Variants in RPGRIP1L observed in about 807,000 individuals in gnomAD.
The protein encoded by RPGRIP1L is protein fantom.
RPGRIP1L carries 131 observed loss-of-function variants against 160.4 expected under a neutral mutation model. The observed-to-expected ratio is 0.82, with a 90% CI of 0.71 to 0.94. The LOEUF (loss-of-function observed/expected upper bound fraction) is 0.94. Among genes scored for constraint, RPGRIP1L ranks in the 40% least tolerant of loss-of-function variants. RPGRIP1L has a pLI of 0.00. For missense variants in RPGRIP1L, 1,522 were observed against 1,535.8 expected (o/e 0.99, Z 0.15); for synonymous variants, 510 against 515.8 (o/e 0.99, Z 0.15).
chr16:53,685,999 T>G (rs997953843), intron 6 of RPGRIP1L, among the ~76,000 whole-genome samples: 2 of 152,226 alleles, frequency 1.3e-5, no homozygotes, highest in Admixed American at 1.3e-4. Flanking sequence ...ATTAGGGATC[T>G]TTTTGGGATT....
rs534573387 is a variant in RPGRIP1L, at chr16:53,636,708, G to T, written c.3221-196C>A. Reference sequence around the variant, plus strand: ...GAAAAAAAAGACTAAAAATTTCAAGGTTAATTTTGGTAGAAGCAAAGGAAA... The same window carrying T: ...GAAAAAAAAGACTAAAAATTTCAAGTTTAATTTTGGTAGAAGCAAAGGAAA... On this transcript the variant is annotated intron_variant, in intron 21 of 26. Coordinates refer to ENST00000647211, the MANE Select transcript of RPGRIP1L (RefSeq NM_015272.5). Among the ~76,000 whole-genome samples, 49 of 151,962 alleles carry T rather than the reference G, an allele frequency of 3.2e-4. No homozygotes were observed. In the Middle Eastern group the frequency reaches 0.01, roughly 32 times the overall value.
Position 53,600,042 on chromosome 16 carries a change from T to G in RPGRIP1L, c.*2034A>C, listed in dbSNP as rs1293967592. On this transcript the variant is annotated 3_prime_UTR_variant, in exon 27 of 27. Transcript: ENST00000647211. ...AGTTTTCTAAGAAAAACTTTTCCTT[T>G]CCACTTAATGATCCTAAGAAGTCAG... 1.3e-5 allele frequency: 2 copies of G among 152,260 alleles called. No homozygotes were observed. Among genetic ancestry groups the G allele is most frequent in the African/African-American group, 4.8e-5 (2 of 41,456 alleles). 9.4% of individuals were successfully genotyped at this position (152,260 alleles called of 1,614,324 possible).
intron 14 of RPGRIP1L, among the ~76,000 whole-genome samples, chr16:53,653,882 A>G (rs76018686): frequency 6.6e-6 from 1 of 152,102 alleles, no homozygotes; most frequent in Non-Finnish European, 1.5e-5. Flanking sequence ...CTCCATTCCT[A>G]TATTTCTAAA....
chr16:53,664,166 CTA>C (rs1161198177), intron 10 of RPGRIP1L, among the ~76,000 whole-genome samples: 19 of 152,152 alleles, frequency 1.2e-4, no homozygotes, highest in African/African-American at 4.6e-4. Flanking sequence ...GTGTGTATAT[CTA>C]TGTGTGTGTA....
At chr16:53,641,594 A>G (rs1598300580) in intron 17 of RPGRIP1L, 119 bp from the exon 18 acceptor site, 1 of 906,308 alleles carries the variant, frequency 1.1e-6, no homozygotes, top group African/African-American at 1.7e-5. Context: ...TGAACTAGCC[A>G]GGTGGTTGTA....
chr16:53,637,427 C>T (rs1433946826), intron 21 of RPGRIP1L, among the ~76,000 whole-genome samples: 1 of 152,082 alleles, frequency 6.6e-6, no homozygotes, highest in East Asian at 1.9e-4. Flanking sequence ...AAAGAGAACA[C>T]AAAACTGTTT....
At chr16:53,679,907 A>T (rs1969481584) in intron 6 of RPGRIP1L, among the ~76,000 whole-genome samples, 1 of 152,228 alleles carries the variant, frequency 6.6e-6, no homozygotes, top group Non-Finnish European at 1.5e-5. Context: ...TGAGGCTCAC[A>T]GAAGTAAAGA....
intron 6 of RPGRIP1L, among the ~76,000 whole-genome samples, chr16:53,679,391 G>C (rs1423594521): frequency 6.6e-6 from 1 of 152,028 alleles, no homozygotes; most frequent in Non-Finnish European, 1.5e-5. Context: ...AAAAGAAATG[G>C]GAATCTGATT....
chr16:53,658,553 TA>T, intron 11 of RPGRIP1L, 89 bp from the exon 12 acceptor site: 3 of 1,082,208 alleles, frequency 2.8e-6, no homozygotes, highest in Non-Finnish European at 4.2e-6. Context: ...CCATGAAACA[TA>T]AACTGACTGA....
chr16:53,650,740 T>C (rs1167432788), intron 15 of RPGRIP1L, among the ~76,000 whole-genome samples: 2 of 152,164 alleles, frequency 1.3e-5, no homozygotes, highest in African/African-American at 4.8e-5. Flanking sequence ...AAATCCGTCC[T>C]GAGACCCTAA....
At chr16:53,668,930 CAT>C (rs1876164720) in intron 9 of RPGRIP1L, among the ~76,000 whole-genome samples, 1 of 152,088 alleles carries the variant, frequency 6.6e-6, no homozygotes, top group Admixed American at 6.6e-5. Context: ...TCTAATATGT[CAT>C]ATGTCAAGTA....
chr16:53,648,617 C>CGT lies in RPGRIP1L; in HGVS notation c.2304+346_2304+347insAC, dbSNP rs779170220. Among the ~76,000 whole-genome samples, 6 of 94,410 alleles carry CGT rather than the reference C, an allele frequency of 6.4e-5. No individual in the cohort carries two copies. In the East Asian group the frequency reaches 1.1e-3, roughly 18 times the overall value. 61.9% of individuals were successfully genotyped at this position (94,410 alleles called of 152,430 possible). ...TTGCACATATACGTACGCGCGTGCGCGCGCGCGCGCACACACACACACACA... is the reference window on the plus strand; with the variant it reads ...TTGCACATATACGTACGCGCGTGCGCGTGCGCGCGCGCACACACACACACACA... On this transcript the variant is annotated intron_variant, in intron 16 of 26. Transcript: ENST00000647211.
intron 2 of RPGRIP1L, among the ~76,000 whole-genome samples, chr16:53,699,310 C>A (rs1971170099): frequency 6.8e-6 from 1 of 146,758 alleles, no homozygotes; most frequent in Admixed American, 6.9e-5. Context: ...ACTTGTTTAT[C>A]TGCTGACCTT....
At chr16:53,628,001 A>G (rs1965289435) in intron 22 of RPGRIP1L, among the ~76,000 whole-genome samples, 1 of 152,176 alleles carries the variant, frequency 6.6e-6, no homozygotes, top group Admixed American at 6.5e-5. Context: ...TTTCTTGTAT[A>G]CATGCATGAT....
At chr16:53,680,614 T>C (rs899293343) in intron 6 of RPGRIP1L, among the ~76,000 whole-genome samples, 36 of 152,006 alleles carry the variant, frequency 2.4e-4, no homozygotes, top group South Asian at 8.3e-4. Context: ...TTGGGGAAAT[T>C]TGGATATGGA....
chr16:53,685,995 G>GATGAAA (rs1258742590), intron 6 of RPGRIP1L, among the ~76,000 whole-genome samples: 2 of 152,220 alleles, frequency 1.3e-5, no homozygotes, highest in East Asian at 3.9e-4. Flanking sequence ...GAATATTAGG[G>GATGAAA]ATCTTTTTGG....
At chr16:53,676,372 C>T (rs1013757032) in intron 6 of RPGRIP1L, among the ~76,000 whole-genome samples, 8 of 151,802 alleles carry the variant, frequency 5.3e-5, no homozygotes, top group Non-Finnish European at 8.8e-5. Context: ...CTCAGTATTA[C>T]CTTTAGCCAC....
chr16:53,649,339 T>A (rs1966793629), intron 15 of RPGRIP1L, among the ~76,000 whole-genome samples: 2 of 152,176 alleles, frequency 1.3e-5, no homozygotes, highest in African/African-American at 4.8e-5. Context: ...AAGAACTACA[T>A]CAAACTATGT....
intron 6 of RPGRIP1L, among the ~76,000 whole-genome samples, chr16:53,678,696 T>C (rs1405475946): frequency 6.6e-6 from 1 of 152,112 alleles, no homozygotes; most frequent in Non-Finnish European, 1.5e-5. Context: ...AGCTAGGCTA[T>C]GAGATTCGGG....
Sources: gnomAD v4.1 joint callset for allele counts (sites outside exome capture counted in the v4.1 genomes callset) on GRCh38, gnomAD v4.1.1 for gene constraint, MANE v1.5 for transcripts, NCBI Gene and HGNC (gene_info 2026-07-23, HGNC 2026-07-21) for gene names.